Variants in PRKCH observed in about 807,000 individuals in gnomAD.
PRKCH encodes the protein protein kinase C eta.
In PRKCH, 28 loss-of-function variants were observed where a neutral mutation model predicts 82.5. The ratio of observed to expected loss-of-function variants is 0.34; its 90% CI spans 0.25 to 0.47. The LOEUF is 0.47. Among genes scored for constraint, PRKCH ranks in the 20% least tolerant of loss-of-function variants. PRKCH has a pLI of 1.00. For missense variants in PRKCH, 705 were observed against 881.8 expected (o/e 0.80, Z 2.54); for synonymous variants, 322 against 327.4 (o/e 0.98, Z 0.18).
intron 2 of PRKCH, among the ~76,000 whole-genome samples, chr14:61,396,812 C>T (rs1269735787): frequency 6.6e-6 from 1 of 151,998 alleles, no homozygotes; most frequent in African/African-American, 2.4e-5. Context: ...GGGATGTGGC[C>T]AGAGATTTCG....
chr14:61,217,011 T>C (rs1415265419), intron 1 of PRKCH, among the ~76,000 whole-genome samples: 1 of 152,064 alleles, frequency 6.6e-6, no homozygotes, highest in Non-Finnish European at 1.5e-5. Context: ...GATCGGCATA[T>C]ACATTTGTAA....
chr14:61,508,661 G>C (rs1887254226), intron 10 of PRKCH, among the ~76,000 whole-genome samples: 1 of 152,070 alleles, frequency 6.6e-6, no homozygotes, highest in East Asian at 1.9e-4. Flanking sequence ...TTGTGCTCCT[G>C]GTCATTTCTT....
chr14:61,215,292 C>G (rs2044608955), intron 1 of PRKCH, among the ~76,000 whole-genome samples: 2 of 152,172 alleles, frequency 1.3e-5, no homozygotes, highest in Non-Finnish European at 1.5e-5. Flanking sequence ...TCACATCCAA[C>G]TGACCAAAGG....
At chr14:61,495,210 G>A (rs910280464) in intron 10 of PRKCH, among the ~76,000 whole-genome samples, 4 of 152,194 alleles carry the variant, frequency 2.6e-5, no homozygotes, top group Non-Finnish European at 5.9e-5. Flanking sequence ...CTTTATAACA[G>A]ATAGACATTT....
At chr14:61,392,287 A>G (rs1298039865) in intron 2 of PRKCH, among the ~76,000 whole-genome samples, 1 of 152,184 alleles carries the variant, frequency 6.6e-6, no homozygotes, top group Non-Finnish European at 1.5e-5. Flanking sequence ...TAGGAGTGGA[A>G]TTGCTGGGTA....
At chr14:61,254,642 C>T (rs2044981198) in intron 1 of PRKCH, among the ~76,000 whole-genome samples, 1 of 151,998 alleles carries the variant, frequency 6.6e-6, no homozygotes, top group Admixed American at 6.5e-5. Context: ...AACAAACAAA[C>T]AAACATAAAA....
intron 2 of PRKCH, among the ~76,000 whole-genome samples, chr14:61,433,060 AAC>A (rs1883497402): frequency 6.6e-6 from 1 of 151,034 alleles, no homozygotes; most frequent in East Asian, 1.9e-4. Flanking sequence ...AAAAAAAAAA[AAC>A]TATCAAAAAA....
intron 1 of PRKCH, among the ~76,000 whole-genome samples, chr14:61,272,590 A>G (rs1394985426): frequency 6.6e-6 from 1 of 151,934 alleles, no homozygotes; most frequent in Non-Finnish European, 1.5e-5. Context: ...TCCTGACCTC[A>G]GGTGATCCAC....
chr14:61,248,024 G>A (rs1594872655), intron 1 of PRKCH, among the ~76,000 whole-genome samples: 1 of 152,310 alleles, frequency 6.6e-6, no homozygotes, highest in Admixed American at 6.5e-5. Context: ...CAGTGGTGCA[G>A]CTGTAAGACT....
chr14:61,245,260 G>A (rs2044869807), intron 1 of PRKCH, among the ~76,000 whole-genome samples: 1 of 152,206 alleles, frequency 6.6e-6, no homozygotes, highest in Admixed American at 6.5e-5. Flanking sequence ...GGCAAAAGAA[G>A]AGCCCCAGCA....
chr14:61,332,182 G>A (rs1411937755), intron 1 of PRKCH, among the ~76,000 whole-genome samples: 1 of 152,178 alleles, frequency 6.6e-6, no homozygotes, highest in Non-Finnish European at 1.5e-5. Flanking sequence ...TCCACCCAGG[G>A]TGATGACAAA....
chr14:61,341,970 T>C (rs1214705390), intron 1 of PRKCH, among the ~76,000 whole-genome samples: 1 of 152,058 alleles, frequency 6.6e-6, no homozygotes, highest in East Asian at 1.9e-4. Flanking sequence ...TTGGTTGAAT[T>C]GGATGCCTTG....
chr14:61,320,513 C>G (rs1009293773), upstream of PRKCH, among the ~76,000 whole-genome samples: 19 of 152,188 alleles, frequency 1.2e-4, no homozygotes, highest in African/African-American at 4.3e-4. Context: ...GCAGGTGAAT[C>G]GCTCGAACCT....
chr14:61,454,819 A>G (rs1220997740), intron 7 of PRKCH, among the ~76,000 whole-genome samples: 2 of 152,174 alleles, frequency 1.3e-5, no homozygotes, highest in Non-Finnish European at 2.9e-5. Flanking sequence ...GTCAGCGTCT[A>G]GAGATGGGAA....
intron 1 of PRKCH, among the ~76,000 whole-genome samples, chr14:61,230,027 CT>C (rs1771171727): frequency 6.6e-6 from 1 of 152,064 alleles, no homozygotes; most frequent in African/African-American, 2.4e-5. Context: ...CTTTTTTCCC[CT>C]TTTTTCCTTC....
rs1176365277 is a variant in PRKCH, at chr14:61,280,417, C to T, written c.-19+92749C>T. 1 of 1,614,014 alleles carries T rather than the reference C, an allele frequency of 6.2e-7. No homozygotes were observed. Among genetic ancestry groups the T allele is most frequent in the East Asian group, 2.2e-5 (1 of 44,862 alleles). ...CACCACGAAGTCCTGATTGATGAAG[C>T]CGGTGTTGTTGGGGTCGGGGCTGAG... On this transcript the variant is annotated intron_variant, in intron 1 of 3. Coordinates refer to the PRKCH transcript ENST00000555185. The surrounding 1 kb of genome is among the most constrained non-coding windows in gnomAD (Gnocchi z 5.0).
chr14:61,415,877 G>T (rs1293944760), intron 2 of PRKCH, among the ~76,000 whole-genome samples: 1 of 151,872 alleles, frequency 6.6e-6, no homozygotes, highest in Non-Finnish European at 1.5e-5. Flanking sequence ...ACACCATTCT[G>T]CTTTCTGTCT....
intron 1 of PRKCH, among the ~76,000 whole-genome samples, chr14:61,218,938 A>G (rs897581384): frequency 6.6e-6 from 1 of 152,202 alleles, no homozygotes; most frequent in African/African-American, 2.4e-5. Flanking sequence ...TTCGAAATAC[A>G]GTCCCCTCCT....
At chr14:61,290,135 T>C (rs137920134) in intron 1 of PRKCH, among the ~76,000 whole-genome samples, 4,150 of 151,870 alleles carry the variant, frequency 0.027, 145 homozygotes, top group African/African-American at 0.082. Context: ...CTACTAAAAA[T>C]ACAAAAATTA....
Sources: gnomAD v4.1 joint callset for allele counts (sites outside exome capture counted in the v4.1 genomes callset) on GRCh38, gnomAD v4.1.1 for gene constraint, Gnocchi (gnomAD v3.1) non-coding constraint, MANE v1.5 for transcripts, NCBI Gene and HGNC (gene_info 2026-07-23, HGNC 2026-07-21) for gene names.